Variants in SEMA6D observed in about 807,000 individuals in gnomAD.
SEMA6D encodes the protein semaphorin 6D.
Under a neutral mutation model 106.6 loss-of-function variants are expected in SEMA6D, and 35 were observed. That is an observed-to-expected ratio of 0.33 (90% CI 0.25 to 0.44). The LOEUF (loss-of-function observed/expected upper bound fraction) is 0.44, where lower values mean the gene tolerates loss of function less well. SEMA6D is among the 20% of genes least tolerant of loss of function. The probability of loss-of-function intolerance (pLI) is 1.00; values close to 1 mark genes in which losing one functional copy is unlikely to be tolerated. For missense variants in SEMA6D, 1,185 were observed against 1,345.9 expected, an observed-to-expected ratio of 0.88 and a Z score of 1.87; for synonymous variants, 499 against 487.7, an observed-to-expected ratio of 1.02 and a Z score of -0.31.
intron 1 of SEMA6D, among the ~76,000 whole-genome samples, chr15:47,753,239 G>A (rs1346396980): frequency 6.6e-6 from 1 of 152,130 alleles, no homozygotes; most frequent in African/African-American, 2.4e-5. Context: ...GAGAAACATA[G>A]GATCTCCATG....
intron 2 of SEMA6D, among the ~76,000 whole-genome samples, chr15:47,414,984 A>G (rs533569253): frequency 3.0e-4 from 45 of 152,306 alleles, no homozygotes; most frequent in African/African-American, 1.0e-3. Flanking sequence ...TATTCTCTGT[A>G]GACTTAGCTG....
intron 4 of SEMA6D, among the ~76,000 whole-genome samples, chr15:47,692,579 A>G (rs1413213751): frequency 3.3e-5 from 5 of 152,202 alleles, no homozygotes; most frequent in Admixed American, 3.3e-4. Context: ...CGTTACATTA[A>G]AAACATATTA....
At chr15:47,666,054 A>G (rs1482200946) in intron 4 of SEMA6D, among the ~76,000 whole-genome samples, 1 of 152,210 alleles carries the variant, frequency 6.6e-6, no homozygotes, top group African/African-American at 2.4e-5. Context: ...ATGCTTGCCA[A>G]TAATAATGGA....
intron 1 of SEMA6D, among the ~76,000 whole-genome samples, chr15:47,381,373 GCA>G (rs2039636527): frequency 6.6e-6 from 1 of 152,168 alleles, no homozygotes; most frequent in Admixed American, 6.5e-5. Context: ...GATAACCATT[GCA>G]CAGTTACCAC....
chr15:47,686,706 G>C (rs948783505), intron 4 of SEMA6D, among the ~76,000 whole-genome samples: 2 of 152,068 alleles, frequency 1.3e-5, no homozygotes, highest in African/African-American at 4.8e-5. Context: ...ACTTCAACAT[G>C]TGTGTCAAAT....
At chr15:47,415,571 T>C (rs1475223947) in intron 2 of SEMA6D, among the ~76,000 whole-genome samples, 1 of 152,100 alleles carries the variant, frequency 6.6e-6, no homozygotes, top group Non-Finnish European at 1.5e-5. Context: ...CTTTGATTGT[T>C]TACAATCCAG....
intron 3 of SEMA6D, among the ~76,000 whole-genome samples, chr15:47,546,662 G>T (rs2045530592): frequency 6.6e-6 from 1 of 151,306 alleles, no homozygotes; most frequent in South Asian, 2.1e-4. Context: ...TTGCATTTAG[G>T]ACCCATGACC....
chr15:47,348,189 A>G (rs997437896), intron 1 of SEMA6D, among the ~76,000 whole-genome samples: 12 of 152,306 alleles, frequency 7.9e-5, no homozygotes, highest in African/African-American at 2.9e-4. Context: ...TTCATTTAAC[A>G]AATACTGATT....
At chr15:47,378,991 T>G (rs2039546304) in intron 1 of SEMA6D, among the ~76,000 whole-genome samples, 1 of 152,192 alleles carries the variant, frequency 6.6e-6, no homozygotes. Context: ...ACCAGAAATT[T>G]TGTTTTAAAA....
chr15:47,537,419 G>GC (rs1275742275), intron 3 of SEMA6D, among the ~76,000 whole-genome samples: 1 of 152,178 alleles, frequency 6.6e-6, no homozygotes, highest in East Asian at 1.9e-4. Flanking sequence ...GGGAAGCAGT[G>GC]CCTCCCTCTG....
intron 4 of SEMA6D, among the ~76,000 whole-genome samples, chr15:47,611,471 C>A (rs1225669399): frequency 6.6e-6 from 1 of 152,106 alleles, no homozygotes; most frequent in African/African-American, 2.4e-5. Flanking sequence ...GATTATAGCA[C>A]TTTGTATACA....
rs1461392741 is a variant in SEMA6D, at chr15:47,307,599, C to T, written c.-238-104794C>T. Among the ~76,000 whole-genome samples, 7 of 144,254 alleles carry T rather than the reference C, an allele frequency of 4.9e-5. No individual in the cohort carries two copies. The East Asian group carries it at 9.7e-4, about 20-fold the overall frequency. 94.6% of individuals were successfully genotyped at this position (144,254 alleles called of 152,430 possible). On this transcript the variant is annotated intron_variant, in intron 1 of 19. Transcript: ENST00000558014. ...TACATCTCATTACCTTTGGTAATGG[C>T]CAGATTTCAGAACATAAAGTGGGGA...
rs747736883 is a variant in SEMA6D at position 47,766,675 on chromosome 15, A to G, written c.1706A>G (p.His569Arg). 11 of 1,601,220 alleles carry G rather than the reference A, an allele frequency of 6.9e-6. No homozygotes were observed. In the South Asian group the frequency reaches 1.1e-4, roughly 16 times the overall value. The change falls in exon 16 of 19, where the codon CAT (histidine) becomes CGT (arginine). Residue 569 changes from histidine (H) to arginine (R), a missense_variant and splice_region_variant. Coordinates refer to ENST00000536845, the MANE Select transcript of SEMA6D (RefSeq NM_001358351.3). ...AACACAGCTCATCTAGGGGACTGCC[A>G]TGGTAAGACAGAATCTTCCATTCCC... The part of the protein sequence containing the change: ...FGNTAHLGDC[H>R]EILPTSTTPD...
At chr15:47,512,189 A>G (rs1228642289) in intron 3 of SEMA6D, among the ~76,000 whole-genome samples, 1 of 152,190 alleles carries the variant, frequency 6.6e-6, no homozygotes, top group African/African-American at 2.4e-5. Context: ...GGTTAGCATC[A>G]GGTTTTGCAC....
intron 3 of SEMA6D, among the ~76,000 whole-genome samples, chr15:47,522,048 A>G (rs1165460286): frequency 6.6e-6 from 1 of 152,110 alleles, no homozygotes; most frequent in African/African-American, 2.4e-5. Flanking sequence ...ATATCACTTT[A>G]TCTACCAGCA....
chr15:47,383,009 G>T (rs961676789), intron 1 of SEMA6D, among the ~76,000 whole-genome samples: 31 of 152,190 alleles, frequency 2.0e-4, no homozygotes, highest in African/African-American at 7.5e-4. Context: ...CAGGTAATCC[G>T]CCCCCCTTGG....
chr15:47,536,333 A>C (rs2045162761), intron 3 of SEMA6D, among the ~76,000 whole-genome samples: 1 of 152,204 alleles, frequency 6.6e-6, no homozygotes, highest in African/African-American at 2.4e-5. Flanking sequence ...TCAACTTCAA[A>C]GAGCTTCACA....
intron 4 of SEMA6D, among the ~76,000 whole-genome samples, chr15:47,685,521 T>C (rs2078449121): frequency 6.6e-6 from 1 of 152,194 alleles, no homozygotes. Context: ...ATTTGTGCAC[T>C]GGGTCCATTT....
intron 3 of SEMA6D, among the ~76,000 whole-genome samples, chr15:47,572,418 A>G (rs1043557179): frequency 6.6e-6 from 1 of 152,102 alleles, no homozygotes; most frequent in African/African-American, 2.4e-5. Flanking sequence ...TTTTCCTCCT[A>G]TTGTTGGTGT....
Sources: gnomAD v4.1 joint callset for allele counts (sites outside exome capture counted in the v4.1 genomes callset) on GRCh38, gnomAD v4.1.1 for gene constraint, MANE v1.5 for transcripts, NCBI Gene and HGNC (gene_info 2026-07-23, HGNC 2026-07-21) for gene names.